The following AAR2 variants were observed in gnomAD, a reference collection of about 807,000 sequenced individuals.
AAR2 encodes the protein protein AAR2 homolog.
A neutral mutation model predicts 26.9 loss-of-function variants in AAR2; 31 were observed. The observed-to-expected ratio is 1.15, with a 90% confidence interval of 0.86 to 1.55. AAR2 has a LOEUF of 1.55. AAR2 is among the 40% of genes most tolerant of loss of function. AAR2 has a pLI of 0.00. For missense variants in AAR2, 430 were observed against 491.3 expected, an observed-to-expected ratio of 0.88 and a Z score of 1.18; for synonymous variants, 188 against 196.1, an observed-to-expected ratio of 0.96 and a Z score of 0.34.
intron 3 of AAR2, among the ~76,000 whole-genome samples, chr20:36,247,141 A>G (rs1303531762): frequency 6.6e-6 from 1 of 152,248 alleles, no homozygotes; most frequent in African/African-American, 2.4e-5. Context: ...AACTCCAGAT[A>G]GCAGACTCTT....
At chr20:36,245,747 G>A (rs367940378) in intron 3 of AAR2, among the ~76,000 whole-genome samples, 18 of 152,338 alleles carry the variant, frequency 1.2e-4, no homozygotes, top group East Asian at 1.9e-4. Context: ...GGGGCTGGGC[G>A]TGGTGGTTCA....
chr20:36,243,208 A>C (rs1012997420), intron 2 of AAR2, among the ~76,000 whole-genome samples: 1 of 152,240 alleles, frequency 6.6e-6, no homozygotes, highest in African/African-American at 2.4e-5. Flanking sequence ...TTTTAGATAA[A>C]GTCAGAAATG....
intron 3 of AAR2, among the ~76,000 whole-genome samples, chr20:36,248,893 T>G (rs2064759950): frequency 6.6e-6 from 1 of 152,062 alleles, no homozygotes; most frequent in Non-Finnish European, 1.5e-5. Flanking sequence ...TTTTTTTTTT[T>G]TTTTAATGGA....
In AAR2 at chr20:36,240,053, C is replaced by G. The variant is rs754053467; in HGVS notation, c.185C>G (p.Ser62Cys). The change falls in exon 2 of 4, where the codon TCT becomes TGT. Residue 62 changes from serine (S) to cysteine (C), a missense_variant. Transcript: ENST00000320849. ...PPGIHFLHYSSVDKANPKEVG... is the reference protein window; with the variant it reads ...PPGIHFLHYSCVDKANPKEVG... ...GGCATCCACTTCCTCCACTACAGCT[C>G]TGTGGACAAGGCTAATCCGAAGGAA... 6.2e-7 allele frequency: 1 copy of G among 1,614,232 alleles called. No individual in the cohort carries two copies. The highest frequency in any genetic ancestry group is 1.7e-5 in the Admixed American group (1 of 60,024).
At chr20:36,249,311 A>G (rs1490885185) in intron 3 of AAR2, among the ~76,000 whole-genome samples, 4 of 152,226 alleles carry the variant, frequency 2.6e-5, no homozygotes, top group Non-Finnish European at 1.5e-5. Context: ...TCTTTTATTT[A>G]AAGCAACGTA....
At chr20:36,251,976 G>C (rs1767808293) in intron 3 of AAR2, among the ~76,000 whole-genome samples, 1 of 152,158 alleles carries the variant, frequency 6.6e-6, no homozygotes, top group Admixed American at 6.5e-5. Context: ...CTCTATACCT[G>C]GCCCTGGGTG....
At chr20:36,248,341 T>C (rs924006015) in intron 3 of AAR2, among the ~76,000 whole-genome samples, 2 of 151,280 alleles carry the variant, frequency 1.3e-5, no homozygotes, top group African/African-American at 2.4e-5. Flanking sequence ...CTTCTTCTTT[T>C]TTTTTTTTTT....
chr20:36,241,860 C>T (rs1056479464), intron 2 of AAR2, among the ~76,000 whole-genome samples: 1 of 152,124 alleles, frequency 6.6e-6, no homozygotes, highest in African/African-American at 2.4e-5. Flanking sequence ...CTGGGTCAGA[C>T]TGTGCATGTT....
intron 2 of AAR2, among the ~76,000 whole-genome samples, chr20:36,242,364 T>TTTG (rs78763281): frequency 0.059 from 8,579 of 145,188 alleles, 304 homozygotes; most frequent in African/African-American, 0.094. Context: ...AGGTACATCT[T>TTTG]TTGTTGTTGT....
rs138485551 is a variant in AAR2 at position 36,251,850 on chromosome 20, G to A, written c.988-3728G>A. On this transcript the variant is annotated intron_variant, in intron 3 of 3. Coordinates refer to ENST00000320849, the MANE Select transcript of AAR2 (RefSeq NM_001271874.2). ...CAATGTTTGAGAGGTGCTTTGGGAGGATGGGTGATGAGCGTGAGCCCAGTT... is the reference window on the plus strand; with the variant it reads ...CAATGTTTGAGAGGTGCTTTGGGAGAATGGGTGATGAGCGTGAGCCCAGTT... 8.5e-3 allele frequency among the ~76,000 whole-genome samples: 1,294 copies of A among 152,360 alleles called. 13 individuals are homozygous for A. Among genetic ancestry groups the A allele is most frequent in the East Asian group, 0.03 (155 of 5,190 alleles).
Position 36,240,475 on chromosome 20 carries a change from G to A in AAR2, c.607G>A (p.Gly203Arg), listed in dbSNP as rs1193323969. ...ARLPEMKPRA[G>R]TEIRFSELPT... is the part of the protein sequence containing the mutation. ...GCTACCAGAGATGAAGCCCAGAGCC[G>A]GGACAGAGATCCGCTTCTCAGAGCT... The change falls in exon 2 of 4, where the codon GGG (glycine) becomes AGG (arginine). Residue 203 changes from glycine (G) to arginine (R), a missense_variant. Coordinates refer to ENST00000320849, the MANE Select transcript of AAR2 (RefSeq NM_001271874.2). The A allele has an allele frequency of 2.5e-6, 4 of 1,614,152 alleles. No homozygotes were observed. Among genetic ancestry groups the A allele is most frequent in the East Asian group, 2.2e-5 (1 of 44,882 alleles).
intron 3 of AAR2, among the ~76,000 whole-genome samples, chr20:36,246,972 C>T (rs975162078): frequency 6.6e-6 from 1 of 152,208 alleles, no homozygotes; most frequent in Non-Finnish European, 1.5e-5. Context: ...AGGGTTCCTG[C>T]CCTCAAGGGA....
intron 3 of AAR2, among the ~76,000 whole-genome samples, chr20:36,252,785 C>G (rs1370778851): frequency 1.3e-5 from 2 of 152,138 alleles, no homozygotes; most frequent in African/African-American, 4.8e-5. Flanking sequence ...TCCCCACAAC[C>G]TCTGGGGATG....
At chr20:36,239,027 AG>A (rs2064648796) in intron 1 of AAR2, among the ~76,000 whole-genome samples, 1 of 152,194 alleles carries the variant, frequency 6.6e-6, no homozygotes, top group Admixed American at 6.5e-5. Context: ...GATATCCCAG[AG>A]GCAATGTCTG....
At chr20:36,239,760 C>A in intron 1 of AAR2, 61 bp from the exon 2 acceptor site, 1 of 1,339,852 alleles carries the variant, frequency 7.5e-7, no homozygotes, top group Non-Finnish European at 1.0e-6. Flanking sequence ...ATACAGAATG[C>A]TTAGCAAATG....
Position 36,255,936 on chromosome 20 carries a change from G to C in AAR2, c.*191G>C, listed in dbSNP as rs2064817698. 3 of 789,548 alleles carry C rather than the reference G, an allele frequency of 3.8e-6. No homozygotes were observed. Among genetic ancestry groups the C allele is most frequent in the Non-Finnish European group, 5.8e-6 (3 of 521,140 alleles). 48.9% of individuals were successfully genotyped at this position (789,548 alleles called of 1,614,324 possible). A position where few individuals can be genotyped will look rare whatever the true frequency, so the allele number is the denominator to read the frequency against. ...TTGCCAAAGAGGCTGTACCCATCCTGAAGGCACATTTGTGGGTTCCCCATC... is the reference window on the plus strand; with the variant it reads ...TTGCCAAAGAGGCTGTACCCATCCTCAAGGCACATTTGTGGGTTCCCCATC... On this transcript the variant is annotated 3_prime_UTR_variant, in exon 4 of 4. Transcript: ENST00000320849.
At chr20:36,246,670 C>G (rs1569427416) in intron 3 of AAR2, among the ~76,000 whole-genome samples, 1 of 152,216 alleles carries the variant, frequency 6.6e-6, no homozygotes. Context: ...ATTGTTAGCA[C>G]AACCAGCAGC....
intron 3 of AAR2, among the ~76,000 whole-genome samples, chr20:36,253,771 TG>T (rs2147300027): frequency 6.6e-6 from 1 of 152,264 alleles, no homozygotes; most frequent in South Asian, 2.1e-4. Flanking sequence ...AATTTACAAA[TG>T]GGCAAGGAAG....
intron 1 of AAR2, among the ~76,000 whole-genome samples, chr20:36,238,051 T>C (rs2064635305): frequency 6.6e-6 from 1 of 152,082 alleles, no homozygotes; most frequent in Non-Finnish European, 1.5e-5. Flanking sequence ...CCCAAAGTGC[T>C]GTGATTACAG....
Sources: gnomAD v4.1 joint callset for allele counts (sites outside exome capture counted in the v4.1 genomes callset) on GRCh38, gnomAD v4.1.1 for gene constraint, MANE v1.5 for transcripts, NCBI Gene and HGNC (gene_info 2026-07-23, HGNC 2026-07-21) for gene names.